RPIA: variants seen among roughly 807,000 people sequenced by gnomAD.
The protein encoded by RPIA is ribose 5-phosphate isomerase A, also known as ribose-5-phosphate isomerase.
Under a neutral mutation model 37.8 loss-of-function variants are expected in RPIA, and 29 were observed. The ratio of observed to expected loss-of-function variants is 0.77; its 90% CI spans 0.57 to 1.05. The LOEUF (loss-of-function observed/expected upper bound fraction) is 1.05, where lower values mean the gene tolerates loss of function less well. Ranked by LOEUF, RPIA falls within the 50% of genes least tolerant of loss-of-function variation. The probability of loss-of-function intolerance (pLI) is 0.00; values close to 1 mark genes in which losing one functional copy is unlikely to be tolerated. For synonymous variants in RPIA, 167 were observed against 157.0 expected (o/e 1.06, Z -0.48); for missense variants, 385 against 413.6 (o/e 0.93, Z 0.60).
At chr2:88,729,250 C>T (rs767607229) in intron 3 of RPIA, 28 bp from the exon 4 acceptor site, 5 of 1,610,670 alleles carry the variant, frequency 3.1e-6, no homozygotes, top group African/African-American at 1.3e-5. Context: ...AGTAAATGAT[C>T]GTGGTTGCTC....
chr2:88,726,897 C>T (rs1673203646), intron 3 of RPIA, among the ~76,000 whole-genome samples: 1 of 152,094 alleles, frequency 6.6e-6, no homozygotes, highest in Non-Finnish European at 1.5e-5. Flanking sequence ...TACCATGATG[C>T]CTAGCTAATT....
At chr2:88,718,930 C>T (rs966579549) in intron 3 of RPIA, among the ~76,000 whole-genome samples, 3 of 152,112 alleles carry the variant, frequency 2.0e-5, no homozygotes, top group African/African-American at 7.2e-5. Context: ...GGATCAGCAA[C>T]GTCTTAAGCA....
At chr2:88,705,344 C>T (rs1470757732) in intron 3 of RPIA, among the ~76,000 whole-genome samples, 2 of 152,184 alleles carry the variant, frequency 1.3e-5, no homozygotes, top group Non-Finnish European at 2.9e-5. Flanking sequence ...ACTAAAACAG[C>T]ATGGTACTGG....
At chr2:88,714,163 TTTTG>T (rs201805836) in intron 3 of RPIA, among the ~76,000 whole-genome samples, 11 of 151,546 alleles carry the variant, frequency 7.3e-5, no homozygotes, top group South Asian at 2.1e-4. Flanking sequence ...TTTTTTGTTT[TTTTG>T]TTTGTTTGTT....
chr2:88,729,282 G>C lies in RPIA; in HGVS notation c.407G>C (p.Arg136Pro). 6.2e-7 allele frequency: 1 copy of C among 1,614,062 alleles called. No individual in the cohort carries two copies. Among genetic ancestry groups the C allele is most frequent in the Non-Finnish European group, 8.5e-7 (1 of 1,179,964 alleles). Residue 136 changes from arginine to proline, a missense_variant, in exon 4 of 9, where the codon CGC (arginine) becomes CCC (proline). By Grantham distance (103) the Arg-to-Pro change is moderately radical. This residue lies in a region of RPIA where 232 missense variants were observed against 203.0 expected (regional missense o/e 1.14). Transcript: ENST00000283646. ...LVCIPTSFQA[R>P]QLILQYGLTL... ...GCTCTTCCCTGTCCTCCGCAGGCCC[G>C]CCAGCTCATCCTGCAGTATGGCTTG...
chr2:88,749,445 G>T (rs139983571), intron 8 of RPIA, among the ~76,000 whole-genome samples: 1,891 of 152,068 alleles, frequency 0.012, 45 homozygotes, highest in African/African-American at 0.043. Context: ...TTTTCTATGG[G>T]GATTCTGTCT....
intron 3 of RPIA, 116 bp downstream of exon 3, chr2:88,700,180 C>T: frequency 1.1e-6 from 1 of 940,252 alleles, no homozygotes; most frequent in South Asian, 1.3e-5. Context: ...TCAGAGAGTC[C>T]AGGAATAGGA....
chr2:88,745,755 A>G (rs1417765880), intron 8 of RPIA, among the ~76,000 whole-genome samples: 1 of 152,174 alleles, frequency 6.6e-6, no homozygotes, highest in African/African-American at 2.4e-5. Flanking sequence ...CTATATGCCT[A>G]GGTGGTGATC....
chr2:88,745,536 A>G (rs980186925), intron 8 of RPIA, among the ~76,000 whole-genome samples: 4 of 152,282 alleles, frequency 2.6e-5, no homozygotes, highest in Admixed American at 2.6e-4. Context: ...TTATTTATGA[A>G]GCTTAGTTTT....
At chr2:88,695,138 C>T (rs1381004811) in intron 1 of RPIA, among the ~76,000 whole-genome samples, 1 of 152,158 alleles carries the variant, frequency 6.6e-6, no homozygotes, top group Non-Finnish European at 1.5e-5. Context: ...CTATGCATCT[C>T]TTCATCCATA....
chr2:88,711,139 C>T (rs533569014), intron 3 of RPIA, among the ~76,000 whole-genome samples: 13 of 152,278 alleles, frequency 8.5e-5, no homozygotes, highest in South Asian at 8.3e-4. Flanking sequence ...GGCTGGTGGG[C>T]GCAAGCATCC....
At chr2:88,692,466 C>G (rs1676950556) in intron 1 of RPIA, among the ~76,000 whole-genome samples, 1 of 152,162 alleles carries the variant, frequency 6.6e-6, no homozygotes. Flanking sequence ...TGAGTGTACT[C>G]TTGGAGGGAA....
intron 1 of RPIA, among the ~76,000 whole-genome samples, chr2:88,697,988 A>T (rs1001620666): frequency 4.6e-5 from 7 of 151,994 alleles, no homozygotes; most frequent in Admixed American, 4.6e-4. Context: ...CCCAGGCTCC[A>T]GGCTCTATTG....
chr2:88,749,934 G>A, intron 8 of RPIA, 47 bp from the exon 9 acceptor site: 1 of 1,404,424 alleles, frequency 7.1e-7, no homozygotes, highest in Non-Finnish European at 1.0e-6. Flanking sequence ...GTCTCTTTTT[G>A]CTTTGGGAGG....
intron 6 of RPIA, among the ~76,000 whole-genome samples, chr2:88,735,988 G>A (rs113499565): frequency 9.0e-4 from 137 of 152,124 alleles, no homozygotes; most frequent in African/African-American, 3.2e-3. Context: ...TCAGTGGAAC[G>A]GGGAAACAGC....
chr2:88,737,719 A>G lies in RPIA; in HGVS notation c.739-258A>G, dbSNP rs148289027. Among the ~76,000 whole-genome samples, 388 of 152,160 alleles carry G rather than the reference A, an allele frequency of 2.5e-3. 2 individuals carry two copies. The highest frequency in any genetic ancestry group is 8.8e-3 in the African/African-American group (365 of 41,514). On this transcript the variant is annotated intron_variant, in intron 7 of 8. Coordinates refer to ENST00000283646, the MANE Select transcript of RPIA (RefSeq NM_144563.3). ...GGTCACATAGTCATAGTGGGAGCTC[A>G]TGTGAGTAAAAATAGCTTGATACAT...
chr2:88,738,990 G>C (rs1360753334), intron 8 of RPIA, among the ~76,000 whole-genome samples: 1 of 152,200 alleles, frequency 6.6e-6, no homozygotes, highest in Non-Finnish European at 1.5e-5. Flanking sequence ...TTCTAATGCA[G>C]CTGTGCCAGG....
chr2:88,729,274 G>T lies in RPIA; in HGVS notation c.403-4G>T. On this transcript the variant is annotated splice_polypyrimidine_tract_variant and splice_region_variant and intron_variant, in intron 3 of 8. Transcript: ENST00000283646. Reference sequence around the variant, plus strand: ...TCGTGGTTGCTCTTCCCTGTCCTCCGCAGGCCCGCCAGCTCATCCTGCAGT... The same window carrying T: ...TCGTGGTTGCTCTTCCCTGTCCTCCTCAGGCCCGCCAGCTCATCCTGCAGT... 1.2e-6 allele frequency: 2 copies of T among 1,613,982 alleles called. No individual in the cohort carries two copies. The highest frequency in any genetic ancestry group is 1.7e-6 in the Non-Finnish European group (2 of 1,179,962).
chr2:88,719,837 G>T (rs1673097893), intron 3 of RPIA, among the ~76,000 whole-genome samples: 1 of 152,074 alleles, frequency 6.6e-6, no homozygotes, highest in African/African-American at 2.4e-5. Context: ...GTCGGTTAAT[G>T]CCTCAAGATA....
Sources: allele counts gnomAD v4.1 joint callset (sites outside exome capture counted in the v4.1 genomes callset), GRCh38; gene constraint gnomAD v4.1.1; regional missense constraint gnomAD v4.1.1; transcripts MANE v1.5; gene names NCBI Gene and HGNC (gene_info 2026-07-23, HGNC 2026-07-21).